The following GRIN2A variants were observed in gnomAD, a reference collection of about 807,000 sequenced individuals.
GRIN2A encodes the protein glutamate ionotropic receptor NMDA type subunit 2A.
GRIN2A carries 22 observed loss-of-function variants against 113.4 expected under a neutral mutation model. The ratio of observed to expected loss-of-function variants is 0.19; its 90% CI spans 0.14 to 0.28. The LOEUF is 0.28. Ranked by LOEUF, GRIN2A falls within the 10% of genes least tolerant of loss-of-function variation. GRIN2A has a pLI of 1.00. For synonymous variants in GRIN2A, 827 were observed against 738.4 expected (o/e 1.12, Z -1.94); for missense variants, 1,502 against 1,887.0 (o/e 0.80, Z 3.78).
chr16:10,178,038 C>G (rs4780867), intron 2 of GRIN2A, among the ~76,000 whole-genome samples: 23,193 of 152,208 alleles, frequency 0.15, 2,138 homozygotes, highest in African/African-American at 0.26. Context: ...TGTGCCAAAC[C>G]CTCATGGATC....
chr16:10,135,370 T>C (rs2049170225), intron 2 of GRIN2A, among the ~76,000 whole-genome samples: 1 of 152,228 alleles, frequency 6.6e-6, no homozygotes, highest in Non-Finnish European at 1.5e-5. Context: ...GTATGCCTTC[T>C]CTAACATGTT....
intron 11 of GRIN2A, among the ~76,000 whole-genome samples, chr16:9,774,781 G>T (rs558608767): frequency 6.6e-6 from 1 of 152,314 alleles, no homozygotes; most frequent in East Asian, 1.9e-4. Context: ...CACAGTGCCT[G>T]GCATACACTA....
intron 3 of GRIN2A, among the ~76,000 whole-genome samples, chr16:9,930,115 G>A (rs1050145896): frequency 2.6e-5 from 4 of 152,158 alleles, no homozygotes; most frequent in African/African-American, 9.7e-5. Flanking sequence ...AGAGGCTGTT[G>A]ACTTAGTGCT....
chr16:9,759,471 A>G lies in GRIN2A; in HGVS notation c.*3678T>C, dbSNP rs1396436471. On this transcript the variant is annotated 3_prime_UTR_variant, in exon 13 of 13. Coordinates refer to ENST00000330684, the MANE Select transcript of GRIN2A (RefSeq NM_001134407.3). ...TTTTGACTAATTAACTGCCTTGGCT[A>G]GAGTCCCATTTAAGTGAAACTATTT... The G allele has an allele frequency of 4.5e-6, 1 of 224,702 alleles. No individual in the cohort carries two copies. The highest frequency in any genetic ancestry group is 2.2e-5 in the African/African-American group (1 of 44,908). 13.9% of individuals were successfully genotyped at this position (224,702 alleles called of 1,614,324 possible).
At chr16:9,992,108 T>C (rs2046126985) in intron 2 of GRIN2A, among the ~76,000 whole-genome samples, 1 of 152,192 alleles carries the variant, frequency 6.6e-6, no homozygotes, top group African/African-American at 2.4e-5. Flanking sequence ...GTTCCCTCCA[T>C]GTTGCTTCGA....
intron 9 of GRIN2A, 26 bp downstream of exon 9, chr16:9,829,397 T>C: frequency 6.8e-7 from 1 of 1,468,060 alleles, no homozygotes; most frequent in Admixed American, 1.7e-5. Context: ...AACCCTCAGA[T>C]GGAGAGGAAA....
chr16:10,164,922 C>G (rs964607413), intron 2 of GRIN2A, among the ~76,000 whole-genome samples: 1 of 152,098 alleles, frequency 6.6e-6, no homozygotes, highest in Non-Finnish European at 1.5e-5. Flanking sequence ...GTTTCAAGAG[C>G]CAGCCAGAGT....
At chr16:10,057,637 T>C (rs530847660) in intron 2 of GRIN2A, among the ~76,000 whole-genome samples, 1 of 145,660 alleles carries the variant, frequency 6.9e-6, no homozygotes. Flanking sequence ...CATAAGTAGT[T>C]AAAAAAAAAA....
At position 9,755,088 on chromosome 16, in the gene GRIN2A, G is replaced by A. The variant is rs951457231; in HGVS notation, c.*8061C>T. On this transcript the variant is annotated 3_prime_UTR_variant, in exon 13 of 13. Coordinates refer to ENST00000330684, the MANE Select transcript of GRIN2A (RefSeq NM_001134407.3). ...TCATGACCCAGGGCTAATGAAGAATGTTCTAGGATTGCAAAAATGCAAACT... is the reference window on the plus strand; with the variant it reads ...TCATGACCCAGGGCTAATGAAGAATATTCTAGGATTGCAAAAATGCAAACT... 1.5e-5 allele frequency: 3 copies of A among 198,978 alleles called. No homozygotes were observed. Among genetic ancestry groups the A allele is most frequent in the African/African-American group, 2.3e-5 (1 of 43,384 alleles). The allele number at this position is 198,978 out of a possible 1,614,324, so 12.3% of individuals were successfully genotyped here.
At chr16:10,036,292 G>T (rs776074674) in intron 2 of GRIN2A, among the ~76,000 whole-genome samples, 2 of 152,150 alleles carry the variant, frequency 1.3e-5, no homozygotes, top group East Asian at 1.9e-4. Flanking sequence ...GGCTGAAAGT[G>T]TAAGATCAAG....
At chr16:9,916,193 T>C (rs912894079) in intron 3 of GRIN2A, among the ~76,000 whole-genome samples, 1 of 152,240 alleles carries the variant, frequency 6.6e-6, no homozygotes, top group Non-Finnish European at 1.5e-5. Context: ...ATTTTGTATA[T>C]GAGTCTAAAA....
intron 2 of GRIN2A, among the ~76,000 whole-genome samples, chr16:10,104,875 A>AGATT (rs2048465899): frequency 6.6e-6 from 1 of 152,184 alleles, no homozygotes; most frequent in Non-Finnish European, 1.5e-5. Context: ...TGTAGGAGGA[A>AGATT]GATTGACAGG....
At chr16:10,056,380 C>A (rs941212941) in intron 2 of GRIN2A, among the ~76,000 whole-genome samples, 1 of 151,998 alleles carries the variant, frequency 6.6e-6, no homozygotes, top group South Asian at 2.1e-4. Flanking sequence ...ACTCCTTTAC[C>A]AATCCATCCT....
At chr16:10,123,443 C>T (rs909477517) in intron 2 of GRIN2A, among the ~76,000 whole-genome samples, 3 of 152,146 alleles carry the variant, frequency 2.0e-5, no homozygotes, top group African/African-American at 7.2e-5. Flanking sequence ...AAAGGAACAG[C>T]TCCTCGTTGA....
At chr16:10,151,590 A>G (rs751801488) in intron 2 of GRIN2A, among the ~76,000 whole-genome samples, 1 of 152,242 alleles carries the variant, frequency 6.6e-6, no homozygotes, top group Non-Finnish European at 1.5e-5. Flanking sequence ...TGCAAGATCA[A>G]TGCTTGACCA....
intron 2 of GRIN2A, among the ~76,000 whole-genome samples, chr16:10,089,253 A>G (rs2048140793): frequency 1.3e-5 from 2 of 152,324 alleles, no homozygotes; most frequent in East Asian, 1.9e-4. Context: ...GGAGAAATAT[A>G]CATTAATCAC....
chr16:9,762,377 C>T lies in GRIN2A; in HGVS notation c.*772G>A, dbSNP rs1900623077. ...GACATAAATGTGTTAGTTTATGCAG[C>T]TCTGAACAAGACCATCGAAGCCGAG... On this transcript the variant is annotated 3_prime_UTR_variant, in exon 13 of 13. Transcript: ENST00000330684. 4.4e-6 allele frequency: 1 copy of T among 226,898 alleles called. No individual in the cohort carries two copies. The highest frequency in any genetic ancestry group is 8.8e-6 in the Non-Finnish European group (1 of 113,818). The allele number at this position is 226,898 out of a possible 1,614,324, so 14.1% of individuals were successfully genotyped here.
intron 4 of GRIN2A, among the ~76,000 whole-genome samples, chr16:9,882,054 C>CAA (rs754512491): frequency 1.3e-5 from 2 of 149,820 alleles, no homozygotes; most frequent in Non-Finnish European, 3.0e-5. Flanking sequence ...ACACACACAA[C>CAA]ACACACACAC....
In GRIN2A at chr16:9,768,718, C is replaced by G. The variant is rs1006947732; in HGVS notation, c.2595+133G>C. The G allele has an allele frequency of 5.2e-6, 4 of 773,868 alleles. No individual in the cohort carries two copies. The Admixed American group carries it at 5.2e-5, about 10-fold the overall frequency. The allele number at this position is 773,868 out of a possible 1,614,324, so 47.9% of individuals were successfully genotyped here. A position where few individuals can be genotyped will look rare whatever the true frequency, so the allele number is the denominator to read the frequency against. On this transcript the variant is annotated intron_variant, in intron 12 of 12. Transcript: ENST00000330684. Reference sequence around the variant, plus strand: ...CACCTGGCTTATGAATGCACAAAATCTGGATGCTCTTGTGACATGCCCAAG... The same window carrying G: ...CACCTGGCTTATGAATGCACAAAATGTGGATGCTCTTGTGACATGCCCAAG...
Sources: allele counts gnomAD v4.1 joint callset (sites outside exome capture counted in the v4.1 genomes callset), GRCh38; gene constraint gnomAD v4.1.1; transcripts MANE v1.5; gene names NCBI Gene and HGNC (gene_info 2026-07-23, HGNC 2026-07-21).